Variants in ST6GALNAC3 observed in about 807,000 individuals in gnomAD.
ST6GALNAC3 encodes ST6 N-acetylgalactosaminide alpha-2,6-sialyltransferase 3, also known as alpha-N-acetylgalactosaminide alpha-2,6-sialyltransferase 3.
In ST6GALNAC3, 25 loss-of-function variants were observed where a neutral mutation model predicts 32.7. The observed-to-expected ratio is 0.76, with a 90% CI of 0.56 to 1.07. The LOEUF is 1.07. Ranked by LOEUF, ST6GALNAC3 falls within the 50% of genes least tolerant of loss-of-function variation. The pLI is 0.00. For synonymous variants in ST6GALNAC3, 129 were observed against 133.1 expected (o/e 0.97, Z 0.21); for missense variants, 355 against 382.4 (o/e 0.93, Z 0.60).
chr1:76,406,924 T>C (rs887245295), intron 2 of ST6GALNAC3, among the ~76,000 whole-genome samples: 1 of 152,022 alleles, frequency 6.6e-6, no homozygotes, highest in African/African-American at 2.4e-5. Context: ...TGTGGAATAA[T>C]GTAATAAAGT....
intron 1 of ST6GALNAC3, among the ~76,000 whole-genome samples, chr1:76,077,498 G>A (rs1292326561): frequency 6.6e-6 from 1 of 152,166 alleles, no homozygotes. Flanking sequence ...GAAGGGGAGA[G>A]GCCTGAGAGT....
At chr1:76,263,460 C>T (rs187372127) in intron 1 of ST6GALNAC3, among the ~76,000 whole-genome samples, 35 of 152,286 alleles carry the variant, frequency 2.3e-4, no homozygotes, top group Admixed American at 9.2e-4. Context: ...GTCACCTCGT[C>T]TTTCCCCTAC....
chr1:76,078,616 A>G (rs1052107680), intron 1 of ST6GALNAC3, among the ~76,000 whole-genome samples: 2 of 152,188 alleles, frequency 1.3e-5, no homozygotes, highest in African/African-American at 4.8e-5. Context: ...TCAATGGGTT[A>G]TTCTAAAGGT....
intron 1 of ST6GALNAC3, among the ~76,000 whole-genome samples, chr1:76,105,427 A>G (rs1460646547): frequency 1.3e-5 from 2 of 152,198 alleles, no homozygotes; most frequent in Non-Finnish European, 2.9e-5. Context: ...CTGAAGAACC[A>G]CAGACTGTGG....
chr1:76,197,220 G>A (rs1302818187), intron 1 of ST6GALNAC3, among the ~76,000 whole-genome samples: 1 of 152,158 alleles, frequency 6.6e-6, no homozygotes, highest in Non-Finnish European at 1.5e-5. Context: ...ATGAAGATGT[G>A]CTAAATGAAG....
At chr1:76,544,613 C>T (rs566105637) in intron 3 of ST6GALNAC3, among the ~76,000 whole-genome samples, 3 of 152,168 alleles carry the variant, frequency 2.0e-5, no homozygotes, top group Admixed American at 6.5e-5. Context: ...CTCTAAAGAC[C>T]AAGAAAGGAG....
At chr1:76,522,839 G>T (rs1345754497) in intron 3 of ST6GALNAC3, among the ~76,000 whole-genome samples, 1 of 152,164 alleles carries the variant, frequency 6.6e-6, no homozygotes, top group African/African-American at 2.4e-5. Context: ...GCTCACACAT[G>T]CTGTCATTGA....
chr1:76,202,049 C>T (rs1654548840), intron 1 of ST6GALNAC3, among the ~76,000 whole-genome samples: 1 of 152,046 alleles, frequency 6.6e-6, no homozygotes, highest in African/African-American at 2.4e-5. Flanking sequence ...AGTAAAGTGA[C>T]CAGATGTCAG....
At chr1:76,218,656 C>A (rs1655607037) in intron 1 of ST6GALNAC3, among the ~76,000 whole-genome samples, 1 of 152,128 alleles carries the variant, frequency 6.6e-6, no homozygotes, top group Non-Finnish European at 1.5e-5. Flanking sequence ...TTCCATGCCT[C>A]CCCTCTTTCC....
At chr1:76,399,629 G>T (rs1020353960) in intron 2 of ST6GALNAC3, among the ~76,000 whole-genome samples, 35 of 152,166 alleles carry the variant, frequency 2.3e-4, no homozygotes, top group Admixed American at 6.5e-5. Context: ...GGTATTTGGG[G>T]ATTTTGATTG....
At chr1:76,142,947 G>C (rs1433697921) in intron 1 of ST6GALNAC3, 1 of 430,644 alleles carries the variant, frequency 2.3e-6, no homozygotes, top group Non-Finnish European at 4.6e-6. Context: ...TTATTTCTTT[G>C]ACTTTATTCT....
At position 76,452,686 on chromosome 1, in the gene ST6GALNAC3, T is replaced by C. The variant is rs959800657; in HGVS notation, c.623+40269T>C. On this transcript the variant is annotated intron_variant, in intron 3 of 4. Transcript: ENST00000328299. Reference sequence around the variant, plus strand: ...ACTGTTGGATTCAGTTAGCTAGTGTTTTGTTATGGATATTTGCACCTATGT... The same window carrying C: ...ACTGTTGGATTCAGTTAGCTAGTGTCTTGTTATGGATATTTGCACCTATGT... Among the ~76,000 whole-genome samples, 19 of 152,226 alleles carry C rather than the reference T, an allele frequency of 1.2e-4. 1 individual carries two copies. The highest frequency in any genetic ancestry group is 2.2e-4 in the Non-Finnish European group (15 of 68,046).
chr1:76,221,588 T>A (rs1310465582), intron 1 of ST6GALNAC3, among the ~76,000 whole-genome samples: 3 of 152,178 alleles, frequency 2.0e-5, no homozygotes, highest in African/African-American at 7.2e-5. Context: ...TGTCCTTCAT[T>A]CATAGTCATA....
chr1:76,331,483 A>T (rs1384348178), intron 2 of ST6GALNAC3, among the ~76,000 whole-genome samples: 1 of 152,202 alleles, frequency 6.6e-6, no homozygotes, highest in Non-Finnish European at 1.5e-5. Context: ...TCCTGCTTAA[A>T]TGCTACTTTA....
chr1:76,470,286 A>C (rs953623658), intron 3 of ST6GALNAC3, among the ~76,000 whole-genome samples: 15 of 152,064 alleles, frequency 9.9e-5, no homozygotes, highest in African/African-American at 3.4e-4. Flanking sequence ...CATAGATCAT[A>C]ATATTTTTGG....
chr1:76,605,063 C>T (rs570864634), intron 3 of ST6GALNAC3, among the ~76,000 whole-genome samples: 9 of 152,182 alleles, frequency 5.9e-5, no homozygotes, highest in Non-Finnish European at 1.2e-4. Flanking sequence ...ATAACATGTT[C>T]TGTTATTTTT....
chr1:76,126,080 A>G (rs1311631665), intron 1 of ST6GALNAC3, among the ~76,000 whole-genome samples: 1 of 152,184 alleles, frequency 6.6e-6, no homozygotes, highest in Non-Finnish European at 1.5e-5. Context: ...CCCCCAAGAT[A>G]GTATAGGGCC....
In ST6GALNAC3 at chr1:76,619,719, C is replaced by A. The variant is rs187875897; in HGVS notation, c.624-7733C>A. 6.6e-5 allele frequency among the ~76,000 whole-genome samples: 10 copies of A among 152,180 alleles called. 2 individuals carry two copies. Among genetic ancestry groups the A allele is most frequent in the African/African-American group, 2.4e-4 (10 of 41,518 alleles). ...ATTTATGCATCCTGTCTGTAACCAA[C>A]AATCTATTGCAGAAATAAACACTGA... On this transcript the variant is annotated intron_variant, in intron 3 of 4. Transcript: ENST00000328299.
chr1:76,549,352 T>C (rs2100349346), intron 3 of ST6GALNAC3, among the ~76,000 whole-genome samples: 1 of 152,244 alleles, frequency 6.6e-6, no homozygotes, highest in Admixed American at 6.5e-5. Context: ...CAGTCTAGTA[T>C]GCATTTTTAT....
Sources: gnomAD v4.1 joint callset for allele counts (sites outside exome capture counted in the v4.1 genomes callset) on GRCh38, gnomAD v4.1.1 for gene constraint, MANE v1.5 for transcripts, NCBI Gene and HGNC (gene_info 2026-07-23, HGNC 2026-07-21) for gene names.